The following CCNL2 variants were observed in gnomAD, a reference collection of about 807,000 sequenced individuals.
CCNL2 encodes the protein cyclin-L2.
CCNL2 carries 28 observed loss-of-function variants against 59.1 expected under a neutral mutation model. The observed-to-expected ratio is 0.47, with a 90% CI of 0.35 to 0.65. CCNL2 has a LOEUF of 0.65. Among genes scored for constraint, CCNL2 ranks in the 30% least tolerant of loss-of-function variants. The probability of loss-of-function intolerance (pLI) is 0.00; values close to 1 mark genes in which losing one functional copy is unlikely to be tolerated. For missense variants in CCNL2, 714 were observed against 717.4 expected (o/e 1.00, Z 0.05); for synonymous variants, 342 against 288.6 (o/e 1.19, Z -1.88).
In CCNL2 at chr1:1,387,454, C is replaced by T. The variant is rs2100257372; in HGVS notation, c.1340G>A (p.Arg447Gln). Reference protein sequence around the residue: ...PYKGSEIRGSRKSKDCKYPQK... With the variant: ...PYKGSEIRGSQKSKDCKYPQK... ...GGGGTACTTGCAGTCCTTGGACTTC[C>T]GGGAGCCCCGAATCTCAGAGCCTTT... is the stretch of plus-strand genomic sequence containing the variant. Residue 447 changes from arginine (R) to glutamine (Q), a missense_variant, in exon 11 of 11, where the codon CGG becomes CAG. Arg to Gln is a conservative substitution (Grantham distance 43). Around this residue, in one of 5 missense-constraint regions of CCNL2, gnomAD observed 403 missense variants for 377.7 expected, o/e 1.07. Transcript: ENST00000400809. 9.9e-6 allele frequency: 16 copies of T among 1,612,860 alleles called. No homozygotes were observed. The highest frequency in any genetic ancestry group is 1.7e-4 in the Middle Eastern group (1 of 6,056).
At chr1:1,390,986 CT>C in intron 5 of CCNL2, 121 bp from the exon 6 acceptor site, 1 of 953,640 alleles carries the variant, frequency 1.0e-6, no homozygotes, top group Non-Finnish European at 1.6e-6. Flanking sequence ...ATTGCTAGGA[CT>C]CAGAGCTAGA....
chr1:1,393,651 C>G (rs1312295330), intron 4 of CCNL2, among the ~76,000 whole-genome samples, 191 bp from the exon 5 acceptor site: 1 of 152,224 alleles, frequency 6.6e-6, no homozygotes, highest in Non-Finnish European at 1.5e-5. Context: ...GGCAGCCAGG[C>G]AGGACGCATG....
At chr1:1,390,712 G>A (rs768917732) in intron 6 of CCNL2, 54 bp downstream of exon 6, 96 of 1,554,326 alleles carry the variant, frequency 6.2e-5, no homozygotes, top group Non-Finnish European at 7.5e-5. Flanking sequence ...GTTTACTGGA[G>A]GCTGGAGAAA....
In CCNL2 at chr1:1,390,549, A is replaced by C. The variant is rs1012871465; in HGVS notation, c.774T>G (p.Asn258Lys). The change falls in exon 7 of 11, where the codon AAT (asparagine) becomes AAG (lysine). Residue 258 changes from asparagine to lysine, a missense_variant. Asn to Lys is a moderately conservative substitution (Grantham distance 94). Transcript: ENST00000400809. ...AARTLEIPLPNRPHWFLLFGA... is the reference protein window; with the variant it reads ...AARTLEIPLPKRPHWFLLFGA... ...CAAACAAAAGAAACCAATGGGGACGATTGGGCAAAGGGATCTGTAAAAACA... is the reference window on the plus strand; with the variant it reads ...CAAACAAAAGAAACCAATGGGGACGCTTGGGCAAAGGGATCTGTAAAAACA... 11 of 1,613,104 alleles carry C rather than the reference A, an allele frequency of 6.8e-6. No individual in the cohort carries two copies. The highest frequency in any genetic ancestry group is 9.3e-6 in the Non-Finnish European group (11 of 1,179,492).
At chr1:1,392,761 A>T in intron 5 of CCNL2, 2 of 1,610,646 alleles carry the variant, frequency 1.2e-6, no homozygotes, top group Non-Finnish European at 1.7e-6. Context: ...AAGCGCTTGG[A>T]CAGCAGAGGA....
chr1:1,388,581 CTCTATA>C (rs1644590602), intron 8 of CCNL2: 5 of 378,064 alleles, frequency 1.3e-5, no homozygotes, highest in South Asian at 5.8e-5. Flanking sequence ...CTCTCTCTCT[CTCTATA>C]TATATATATA....
At chr1:1,398,170 A>G (rs1645151384) in intron 3 of CCNL2, 63 bp downstream of exon 3, 17 of 1,491,490 alleles carry the variant, frequency 1.1e-5, no homozygotes, top group Non-Finnish European at 1.6e-5. Flanking sequence ...GCCTTACTGT[A>G]ACTTAATCAG....
Position 1,398,659 on chromosome 1 carries a change from T to C in CCNL2, c.301A>G (p.Thr101Ala). ...LLRLPQVAMATGQVLFQRFFY... is the reference protein window; with the variant it reads ...LLRLPQVAMAAGQVLFQRFFY... ...AACCGCTGGAACAACACCTGCCCGG[T>C]AGCCATGGCCACCTAGAGTAGAAGA... Residue 101 changes from threonine (T) to alanine (A), a missense_variant, in exon 2 of 11, where the codon ACC (threonine) becomes GCC (alanine). Thr to Ala is a moderately conservative substitution (Grantham distance 58). Around this residue, in one of 5 missense-constraint regions of CCNL2, gnomAD observed 270 missense variants for 254.9 expected, o/e 1.06. Coordinates refer to ENST00000400809, the MANE Select transcript of CCNL2 (RefSeq NM_030937.6). 1 of 1,613,572 alleles carries C rather than the reference T, an allele frequency of 6.2e-7. No homozygotes were observed. The highest frequency in any genetic ancestry group is 1.7e-4 in the Middle Eastern group (1 of 6,060).
chr1:1,391,456 C>A, intron 5 of CCNL2: 4 of 1,252,192 alleles, frequency 3.2e-6, no homozygotes, highest in Non-Finnish European at 3.1e-6. Context: ...GAGGGAAAAG[C>A]CCCTTGGGTG....
At position 1,391,042 on chromosome 1, in the gene CCNL2, C is replaced by G. The variant is rs1442359258; in HGVS notation, c.660-177G>C. On this transcript the variant is annotated intron_variant, in intron 5 of 10. Transcript: ENST00000400809. ...AGTTAATGGAGAAATATTCTAGCTG[C>G]TTTTTCTAAATACAGTAAATACAGG... 4.1e-6 allele frequency: 4 copies of G among 971,444 alleles called. No individual in the cohort carries two copies. The East Asian group carries it at 1.1e-4, about 26-fold the overall frequency. 60.2% of individuals were successfully genotyped at this position (971,444 alleles called of 1,614,324 possible). A position where few individuals can be genotyped will look rare whatever the true frequency, so the allele number is the denominator to read the frequency against.
intron 1 of CCNL2, 58 bp from the exon 2 acceptor site, chr1:1,398,729 G>A (rs773943786): frequency 6.7e-6 from 10 of 1,488,894 alleles, no homozygotes; most frequent in Non-Finnish European, 9.4e-6. Context: ...CTTCGCGGCC[G>A]AAAGTCATCG....
chr1:1,398,141 C>T (rs996074397), intron 3 of CCNL2, 92 bp downstream of exon 3: 2 of 1,227,306 alleles, frequency 1.6e-6, no homozygotes, highest in Non-Finnish European at 1.2e-6. Context: ...GAGCCTCAGG[C>T]CTGTATTGTG....
chr1:1,390,624 G>A, intron 6 of CCNL2, 61 bp from the exon 7 acceptor site: 2 of 1,515,378 alleles, frequency 1.3e-6, no homozygotes, highest in Admixed American at 1.8e-5. Flanking sequence ...GCAAGACTCA[G>A]GACAATTAAA....
At chr1:1,398,914 G>T (rs1234383949) in intron 1 of CCNL2, 105 bp downstream of exon 1, 177 of 1,447,190 alleles carry the variant, frequency 1.2e-4, no homozygotes, top group South Asian at 4.1e-4. Flanking sequence ...GCAGGGGCTG[G>T]GGTCGGGGTC....
intron 5 of CCNL2, 89 bp from the exon 6 acceptor site, chr1:1,390,954 G>A (rs959180236): frequency 3.5e-6 from 4 of 1,134,836 alleles, no homozygotes; most frequent in East Asian, 4.7e-5. Flanking sequence ...CTAGATAAAC[G>A]TACTACTCCT....
intron 8 of CCNL2, chr1:1,388,319 GA>G (rs1358336102): frequency 2.1e-6 from 1 of 478,332 alleles, no homozygotes; most frequent in African/African-American, 2.0e-5. Flanking sequence ...TCAATACATT[GA>G]GACCATCCTG....
At position 1,398,361 on chromosome 1, in the gene CCNL2, A is replaced by G. The variant is rs201666127; in HGVS notation, c.364-19T>C. The G allele has an allele frequency of 1.1e-5, 17 of 1,613,986 alleles. No individual in the cohort carries two copies. In the East Asian group the frequency reaches 3.8e-4, roughly 36 times the overall value. On this transcript the variant is annotated intron_variant, in intron 2 of 10. Transcript: ENST00000400809. ...ACACATGCTGAAGCGGAAGCATTGC[A>G]ACACGCCCATGTTTGTCCCCAGCCA...
intron 5 of CCNL2, chr1:1,391,250 A>C: frequency 9.1e-7 from 1 of 1,101,490 alleles, no homozygotes; most frequent in Non-Finnish European, 1.1e-6. Flanking sequence ...CTTTTGATTA[A>C]AGAAATCTAA....
At chr1:1,391,843 G>A in intron 5 of CCNL2, 1 of 293,012 alleles carries the variant, frequency 3.4e-6, no homozygotes. Context: ...AAACAGAAAG[G>A]GTGATTCCAT....
Sources: allele counts gnomAD v4.1 joint callset (sites outside exome capture counted in the v4.1 genomes callset), GRCh38; gene constraint gnomAD v4.1.1; regional missense constraint gnomAD v4.1.1; transcripts MANE v1.5; gene names NCBI Gene and HGNC (gene_info 2026-07-23, HGNC 2026-07-21).